UNC13C: variants seen among roughly 807,000 people sequenced by gnomAD.
UNC13C encodes unc-13 homolog C, also known as protein unc-13 homolog C.
A neutral mutation model predicts 245.4 loss-of-function variants in UNC13C; 174 were observed. The observed-to-expected ratio is 0.71, with a 90% confidence interval of 0.63 to 0.80. The LOEUF (loss-of-function observed/expected upper bound fraction) is 0.80. Among genes scored for constraint, UNC13C ranks in the 30% least tolerant of loss-of-function variants. The pLI is 0.00. For synonymous variants in UNC13C, 992 were observed against 895.1 expected (o/e 1.11, Z -1.93); for missense variants, 2,829 against 2,602.9 (o/e 1.09, Z -1.89).
chr15:54,333,571 T>G (rs1369413349), intron 15 of UNC13C, among the ~76,000 whole-genome samples, 196 bp from the exon 16 acceptor site: 1 of 152,048 alleles, frequency 6.6e-6, no homozygotes, highest in African/African-American at 2.4e-5. Flanking sequence ...TTTCCAAGAG[T>G]AAAAATATAA....
At chr15:54,112,866 T>C (rs140593343) in intron 2 of UNC13C, among the ~76,000 whole-genome samples, 168 of 152,246 alleles carry the variant, frequency 1.1e-3, no homozygotes, top group African/African-American at 3.5e-3. Context: ...AACATTGCTT[T>C]CCCCTAATGC....
chr15:53,847,189 CAAAGTT>C, the UNC13C span, among the ~76,000 whole-genome samples: 3 of 152,132 alleles, frequency 2.0e-5, no homozygotes, highest in Non-Finnish European at 2.9e-5. Flanking sequence ...TTTCTACAAA[CAAAGTT>C]AAAGATTTAG....
chr15:54,199,881 C>T (rs575575027), intron 4 of UNC13C, among the ~76,000 whole-genome samples: 2 of 152,010 alleles, frequency 1.3e-5, no homozygotes, highest in Non-Finnish European at 2.9e-5. Context: ...AAATGTTCTA[C>T]TTAAAAGATA....
the UNC13C span, among the ~76,000 whole-genome samples, chr15:53,889,653 A>G: frequency 3.3e-5 from 5 of 152,294 alleles, no homozygotes; most frequent in South Asian, 1.0e-3. Context: ...GAATGCTTCC[A>G]ATTTTTGCCC....
intron 2 of UNC13C, chr15:54,050,767 T>C: frequency 1.7e-6 from 1 of 584,700 alleles, no homozygotes; most frequent in South Asian, 1.4e-5. Context: ...TCCTCTTCAC[T>C]ATCTGGTGAT....
the UNC13C span, among the ~76,000 whole-genome samples, chr15:53,942,097 A>T: frequency 4.6e-5 from 7 of 152,336 alleles, no homozygotes; most frequent in African/African-American, 1.2e-4. Context: ...ATAAAGATAC[A>T]TGCACATGTA....
intron 1 of UNC13C, among the ~76,000 whole-genome samples, chr15:54,006,676 A>C (rs546624689): frequency 6.6e-6 from 1 of 152,164 alleles, no homozygotes; most frequent in African/African-American, 2.4e-5. Flanking sequence ...ATTCTAGAGG[A>C]TGCTTTTTAA....
the UNC13C span, among the ~76,000 whole-genome samples, chr15:53,878,256 G>A: frequency 3.3e-5 from 5 of 152,002 alleles, no homozygotes; most frequent in African/African-American, 4.8e-5. Flanking sequence ...CCTCCTCACC[G>A]CCAAACCTCA....
chr15:54,106,416 A>G (rs988896414), intron 2 of UNC13C, among the ~76,000 whole-genome samples: 1 of 152,194 alleles, frequency 6.6e-6, no homozygotes, highest in East Asian at 1.9e-4. Context: ...TTCTTAAAAA[A>G]CACATCAAGC....
intron 32 of UNC13C, among the ~76,000 whole-genome samples, 160 bp downstream of exon 32, chr15:54,624,114 T>A (rs1361239972): frequency 1.3e-5 from 2 of 152,048 alleles, no homozygotes; most frequent in Non-Finnish European, 2.9e-5. Flanking sequence ...CTGCCATGTA[T>A]CAGCCAATGT....
At chr15:54,055,436 A>C (rs555288542) in intron 2 of UNC13C, among the ~76,000 whole-genome samples, 2 of 152,258 alleles carry the variant, frequency 1.3e-5, no homozygotes, top group Middle Eastern at 3.4e-3. Context: ...TCTATTTTTT[A>C]TTTAAATATT....
In UNC13C at chr15:54,062,600, C is replaced by A. The variant is rs368153956; in HGVS notation, c.2983+46714C>A. 7.3e-4 allele frequency among the ~76,000 whole-genome samples: 111 copies of A among 152,178 alleles called. 5 individuals carry two copies. The South Asian group carries it at 9.5e-3, about 13-fold the overall frequency. ...TACTTCAGGAATGCTTTTTACCTTC[C>A]ATGTGGAAGTACAGTTTAGTGTAAA... is the stretch of plus-strand genomic sequence containing the variant. On this transcript the variant is annotated intron_variant, in intron 2 of 32. Transcript: ENST00000260323.
In UNC13C at chr15:54,206,294, T is replaced by C. The variant is rs1420538839; in HGVS notation, c.3072-28736T>C. On this transcript the variant is annotated intron_variant, in intron 4 of 32. Coordinates refer to ENST00000260323, the MANE Select transcript of UNC13C (RefSeq NM_001080534.3). Reference sequence around the variant, plus strand: ...GCCTGCTTAACTGATCTTCTTAAGGTTCCTATCCCTCATCCTCCAATCAAG... The same window carrying C: ...GCCTGCTTAACTGATCTTCTTAAGGCTCCTATCCCTCATCCTCCAATCAAG... Among the ~76,000 whole-genome samples the C allele has an allele frequency of 5.9e-5, 9 of 152,134 alleles. No homozygotes were observed. The South Asian group carries it at 1.5e-3, about 25-fold the overall frequency.
At chr15:53,847,292 A>G in the UNC13C span, among the ~76,000 whole-genome samples, 34 of 152,278 alleles carry the variant, frequency 2.2e-4, no homozygotes, top group African/African-American at 6.7e-4. Context: ...AAGATGTTAA[A>G]TAATTCAGGC....
intron 19 of UNC13C, among the ~76,000 whole-genome samples, chr15:54,441,478 C>T (rs919811849): frequency 1.3e-5 from 2 of 151,712 alleles, no homozygotes; most frequent in Non-Finnish European, 3.0e-5. Flanking sequence ...CAGTAGGCAC[C>T]CTTATCAAAA....
intron 8 of UNC13C, among the ~76,000 whole-genome samples, chr15:54,259,684 C>G (rs992968117): frequency 9.2e-5 from 14 of 151,568 alleles, no homozygotes; most frequent in Non-Finnish European, 1.9e-4. Flanking sequence ...GCACTTTTAC[C>G]TTATTTAAAA....
In UNC13C at chr15:54,256,589, T is replaced by C. The variant is rs1753546920; in HGVS notation, c.3448+6145T>C. On this transcript the variant is annotated intron_variant, in intron 8 of 32. Transcript: ENST00000260323. ...AAGGAAAGTCATCCCTTTGTCAGTGTATCCATGCTATAGATGTTACTCACC... is the reference window on the plus strand; with the variant it reads ...AAGGAAAGTCATCCCTTTGTCAGTGCATCCATGCTATAGATGTTACTCACC... Among the ~76,000 whole-genome samples, 3 of 152,344 alleles carry C rather than the reference T, an allele frequency of 2.0e-5. No homozygotes were observed. The South Asian group carries it at 6.2e-4, about 32-fold the overall frequency.
chr15:53,920,056 A>C, the UNC13C span, among the ~76,000 whole-genome samples: 1 of 151,988 alleles, frequency 6.6e-6, no homozygotes, highest in Non-Finnish European at 1.5e-5. Flanking sequence ...TTGTTAGCCT[A>C]ATTTACTATG....
At chr15:54,321,199 G>A in intron 13 of UNC13C, 1 of 502,274 alleles carries the variant, frequency 2.0e-6, no homozygotes. Context: ...CTGAATGACA[G>A]CCTTATTTAT....
Sources: gnomAD v4.1 joint callset for allele counts (sites outside exome capture counted in the v4.1 genomes callset) on GRCh38, gnomAD v4.1.1 for gene constraint, MANE v1.5 for transcripts, NCBI Gene and HGNC (gene_info 2026-07-23, HGNC 2026-07-21) for gene names.